The following PPM1F variants were observed in gnomAD, a reference collection of about 807,000 sequenced individuals.
The protein encoded by PPM1F is protein phosphatase 1F.
PPM1F carries 17 observed loss-of-function variants against 35.5 expected under a neutral mutation model. The ratio of observed to expected loss-of-function variants is 0.48; its 90% confidence interval spans 0.33 to 0.72. PPM1F has a LOEUF of 0.72. PPM1F is among the 30% of genes least tolerant of loss of function. The probability of loss-of-function intolerance (pLI) is 0.02; values close to 1 mark genes in which losing one functional copy is unlikely to be tolerated. For synonymous variants in PPM1F, 241 were observed against 255.5 expected, an observed-to-expected ratio of 0.94 and a Z score of 0.54; for missense variants, 521 against 613.0, an observed-to-expected ratio of 0.85 and a Z score of 1.59.
At chr22:21,946,640 A>G (rs1329718429) in intron 1 of PPM1F, 1 of 152,496 alleles carries the variant, frequency 6.6e-6, no homozygotes, top group Non-Finnish European at 1.5e-5. Context: ...GAGATAGGCC[A>G]GAGTGGGAGC....
intron 3 of PPM1F, chr22:21,937,902 C>CT: frequency 1.1e-5 from 4 of 348,836 alleles, no homozygotes; most frequent in Non-Finnish European, 2.1e-5. Flanking sequence ...GGCTGACTGG[C>CT]AGCCACACAG....
chr22:21,949,697 A>T (rs1280439412), intron 1 of PPM1F: 1 of 152,344 alleles, frequency 6.6e-6, no homozygotes, highest in Non-Finnish European at 1.5e-5. Flanking sequence ...AGCCTGTGCA[A>T]ATCACCAAGA....
At chr22:21,926,274 G>C (rs760537406) in intron 6 of PPM1F, among the ~76,000 whole-genome samples, 3 of 151,942 alleles carry the variant, frequency 2.0e-5, no homozygotes, top group Non-Finnish European at 4.4e-5. Flanking sequence ...TGTGACTACA[G>C]GGGCGTGCCA....
intron 3 of PPM1F, chr22:21,938,562 T>C: frequency 9.7e-7 from 1 of 1,036,018 alleles, no homozygotes; most frequent in South Asian, 2.8e-5. Context: ...GCACTAGTAA[T>C]GCCGAATTTA....
chr22:21,929,116 G>C (rs867517865), intron 6 of PPM1F, among the ~76,000 whole-genome samples: 1 of 152,158 alleles, frequency 6.6e-6, no homozygotes, highest in African/African-American at 2.4e-5. Context: ...GTTGAGGCCA[G>C]TTTCTTGCTC....
In PPM1F at chr22:21,934,124, C is replaced by T. The variant is rs564984837; in HGVS notation, c.458G>A (p.Arg153Gln). ...GGCGTGGATGGAGACCAGCCACTGC[C>T]GCTGTGAGGCCCGGGCAGCCAATGG... ...QVPLAARASQ[R>Q]QWLVSIHAIR... The change falls in exon 4 of 8, where the codon CGG becomes CAG. Residue 153 changes from arginine to glutamine, a missense_variant. Physicochemically the swap from Arg to Gln is conservative, Grantham distance 43. Transcript: ENST00000263212. The T allele has an allele frequency of 1.7e-5, 26 of 1,569,076 alleles. No individual in the cohort carries two copies. The highest frequency in any genetic ancestry group is 2.4e-5 in the East Asian group (1 of 42,488).
Position 21,945,863 on chromosome 22 carries a change from G to GGCCAGCTCA in PPM1F, c.177_185dup (p.Glu60_Ala62dup). The GGCCAGCTCA allele has an allele frequency of 1.9e-6, 3 of 1,611,084 alleles. No homozygotes were observed. Among genetic ancestry groups the GGCCAGCTCA allele is most frequent in the Non-Finnish European group, 2.5e-6 (3 of 1,179,834 alleles). ...CCTACCTGCTGCCCAGAAAGCCCAT[G>GGCCAGCTCA]GCCAGCTCAGCCAGCTCGCCCTCCA... On this transcript the variant is annotated inframe_insertion, in exon 2 of 8. Transcript: ENST00000263212.
chr22:21,927,690 C>T (rs1242479342), intron 6 of PPM1F, among the ~76,000 whole-genome samples: 1 of 152,236 alleles, frequency 6.6e-6, no homozygotes, highest in Non-Finnish European at 1.5e-5. Flanking sequence ...TGTGCTGCTC[C>T]CCTGCAGCCT....
chr22:21,937,928 G>C (rs2070678379), intron 3 of PPM1F: 9 of 413,828 alleles, frequency 2.2e-5, no homozygotes, highest in South Asian at 1.9e-4. Context: ...TCAGCCACTC[G>C]CTGCTCTTCA....
intron 6 of PPM1F, 182 bp from the exon 7 acceptor site, chr22:21,925,844 T>G (rs1229706615): frequency 2.0e-6 from 1 of 506,550 alleles, no homozygotes; most frequent in Admixed American, 3.6e-5. Flanking sequence ...CAGTGAGAAA[T>G]TATACACAAC....
At chr22:21,929,494 G>A (rs2070562700) in intron 6 of PPM1F, among the ~76,000 whole-genome samples, 1 of 152,250 alleles carries the variant, frequency 6.6e-6, no homozygotes, top group Non-Finnish European at 1.5e-5. Flanking sequence ...CATACTGCAG[G>A]ACTCAGGCAG....
At chr22:21,946,180 C>T (rs2070775574) in intron 1 of PPM1F, 72 bp from the exon 2 acceptor site, 1 of 680,012 alleles carries the variant, frequency 1.5e-6, no homozygotes, top group South Asian at 2.2e-5. Context: ...CACCTGCAAG[C>T]ACCATGTGGC....
chr22:21,946,035 G>T lies in PPM1F; in HGVS notation c.14C>A (p.Ala5Asp). The part of the protein sequence containing the change: MSSG[A>D]PQKSSPMASG... Reference sequence around the variant, plus strand: ...GGCCATTGGGCTGCTCTTCTGTGGGGCTCCAGAGGACATGCCCAAAGCATC... The same window carrying T: ...GGCCATTGGGCTGCTCTTCTGTGGGTCTCCAGAGGACATGCCCAAAGCATC... The change falls in exon 2 of 8, where the codon GCC (alanine) becomes GAC (aspartate). Residue 5 changes from alanine to aspartate, a missense_variant. Physicochemically the swap from Ala to Asp is moderately radical, Grantham distance 126. Coordinates refer to ENST00000263212, the MANE Select transcript of PPM1F (RefSeq NM_014634.4). The T allele has an allele frequency of 6.5e-7, 1 of 1,545,926 alleles. No individual in the cohort carries two copies. Among genetic ancestry groups the T allele is most frequent in the Non-Finnish European group, 8.7e-7 (1 of 1,144,076 alleles).
At chr22:21,935,380 G>A (rs1363608699) in intron 3 of PPM1F, 1 of 152,184 alleles carries the variant, frequency 6.6e-6, no homozygotes, top group Non-Finnish European at 1.5e-5. Flanking sequence ...GGCCTTAAAA[G>A]GGTGACAGGA....
At chr22:21,927,948 T>TG (rs2070538765) in intron 6 of PPM1F, among the ~76,000 whole-genome samples, 1 of 57,236 alleles carries the variant, frequency 1.7e-5, no homozygotes, top group African/African-American at 5.3e-5. Flanking sequence ...TTTTGTTTTT[T>TG]TTTTTTTTTT....
intron 1 of PPM1F, chr22:21,950,136 C>T (rs2070820009): frequency 6.6e-6 from 1 of 152,300 alleles, no homozygotes; most frequent in Admixed American, 6.5e-5. Flanking sequence ...CTGACTCCTT[C>T]TATCCCTGAC....
intron 6 of PPM1F, among the ~76,000 whole-genome samples, chr22:21,927,861 A>G (rs1417179557): frequency 2.0e-5 from 3 of 151,506 alleles, no homozygotes; most frequent in Admixed American, 6.6e-5. Context: ...GTCCGGGACT[A>G]ACATATCCCC....
At chr22:21,927,937 G>GTTT (rs1392008034) in intron 6 of PPM1F, among the ~76,000 whole-genome samples, 31 of 68,104 alleles carry the variant, frequency 4.6e-4, no homozygotes, top group African/African-American at 1.6e-3. Flanking sequence ...TCTGTTTTTT[G>GTTT]TTTTGTTTTT....
At chr22:21,949,585 AGGGAGAGCT>A (rs1295421366) in intron 1 of PPM1F, 2 of 152,618 alleles carry the variant, frequency 1.3e-5, no homozygotes, top group African/African-American at 4.8e-5. Context: ...CGCAGGGAGT[AGGGAGAGCT>A]GGGAGAGCAC....
Sources: allele counts gnomAD v4.1 joint callset (sites outside exome capture counted in the v4.1 genomes callset), GRCh38; gene constraint gnomAD v4.1.1; transcripts MANE v1.5; gene names NCBI Gene and HGNC (gene_info 2026-07-23, HGNC 2026-07-21).